Variants in SLC4A4 observed in about 807,000 individuals in gnomAD.
SLC4A4 encodes electrogenic sodium bicarbonate cotransporter 1.
A neutral mutation model predicts 111.5 loss-of-function variants in SLC4A4; 27 were observed. The ratio of observed to expected loss-of-function variants is 0.24; its 90% CI spans 0.18 to 0.33. The LOEUF is 0.33. Ranked by LOEUF, SLC4A4 falls within the 10% of genes least tolerant of loss-of-function variation. The probability of loss-of-function intolerance (pLI) is 1.00; values close to 1 mark genes in which losing one functional copy is unlikely to be tolerated. For synonymous variants in SLC4A4, 443 were observed against 463.4 expected (o/e 0.96, Z 0.57); for missense variants, 909 against 1,315.5 (o/e 0.69, Z 4.78).
At chr4:71,497,856 G>A (rs565859145) in intron 16 of SLC4A4, among the ~76,000 whole-genome samples, 164 bp downstream of exon 16, 13 of 152,114 alleles carry the variant, frequency 8.5e-5, no homozygotes, top group South Asian at 2.1e-4. Context: ...ACTTATTAAC[G>A]TAAGTCTAGT....
intron 3 of SLC4A4, chr4:71,300,634 G>A: frequency 5.6e-6 from 2 of 355,338 alleles, no homozygotes; most frequent in South Asian, 2.9e-5. Flanking sequence ...ATGCAGTGAC[G>A]ACAGGCTTGA....
chr4:71,477,741 A>G (rs1728499690), intron 14 of SLC4A4, among the ~76,000 whole-genome samples: 1 of 151,816 alleles, frequency 6.6e-6, no homozygotes. Context: ...CATCCCCCCA[A>G]CTTTCACTTG....
At chr4:71,105,589 A>G (rs1742891456) in intron 2 of SLC4A4, among the ~76,000 whole-genome samples, 1 of 146,790 alleles carries the variant, frequency 6.8e-6, no homozygotes, top group African/African-American at 2.6e-5. Context: ...GATCAATGGA[A>G]CAGAACAGAG....
intron 1 of SLC4A4, among the ~76,000 whole-genome samples, chr4:71,199,638 G>A (rs1746159867): frequency 6.6e-6 from 1 of 152,044 alleles, no homozygotes; most frequent in Admixed American, 6.6e-5. Context: ...ACAACACAGT[G>A]TCCTTTTTTT....
rs553738171 is a variant in SLC4A4, at chr4:71,338,106, C to T, written c.254-1264C>T. Among the ~76,000 whole-genome samples, 523 of 152,108 alleles carry T rather than the reference C, an allele frequency of 3.4e-3. 3 individuals carry two copies. Among genetic ancestry groups the T allele is most frequent in the African/African-American group, 0.012 (499 of 41,484 alleles). ...CCTCGGCCTCCCAAAGTGTTGGGAT[C>T]GCAGGTGTAAGCCACCGCGCCCTGC... On this transcript the variant is annotated intron_variant, in intron 3 of 25. Transcript: ENST00000264485.
intron 6 of SLC4A4, among the ~76,000 whole-genome samples, chr4:71,378,188 C>G (rs541380853): frequency 6.6e-6 from 1 of 152,264 alleles, no homozygotes; most frequent in Admixed American, 6.5e-5. Flanking sequence ...GTGTCCACAT[C>G]TCACTTTGAA....
chr4:71,437,348 A>G, intron 7 of SLC4A4: 2 of 344,970 alleles, frequency 5.8e-6, no homozygotes, highest in Non-Finnish European at 1.1e-5. Flanking sequence ...CAGAATACAT[A>G]AGTTACAATA....
intron 2 of SLC4A4, among the ~76,000 whole-genome samples, chr4:71,120,679 T>A (rs1743388036): frequency 6.6e-6 from 1 of 152,138 alleles, no homozygotes; most frequent in Admixed American, 6.5e-5. Context: ...ACCAGCCTGG[T>A]CAACATGGTG....
intron 7 of SLC4A4, among the ~76,000 whole-genome samples, chr4:71,425,498 A>G (rs1486047033): frequency 1.3e-5 from 2 of 152,164 alleles, no homozygotes; most frequent in African/African-American, 4.8e-5. Flanking sequence ...ACAAGTCTCA[A>G]TCAATTTATA....
chr4:71,488,581 C>G (rs187428298), intron 15 of SLC4A4, among the ~76,000 whole-genome samples: 1 of 151,774 alleles, frequency 6.6e-6, no homozygotes, highest in Non-Finnish European at 1.5e-5. Context: ...GGGTTAATTA[C>G]TTCTATTTTA....
At chr4:71,357,272 C>A in intron 6 of SLC4A4, 85 bp downstream of exon 6, 1 of 1,372,316 alleles carries the variant, frequency 7.3e-7, no homozygotes, top group Non-Finnish European at 1.0e-6. Context: ...TGTTTTAACC[C>A]TTCTCCATAT....
At chr4:71,291,309 C>T (rs1960103) in intron 3 of SLC4A4, among the ~76,000 whole-genome samples, 4,634 of 152,072 alleles carry the variant, frequency 0.03, 248 homozygotes, top group African/African-American at 0.11. Context: ...TGCACATGTA[C>T]CCTAAAACTT....
intron 3 of SLC4A4, among the ~76,000 whole-genome samples, chr4:71,288,042 T>G (rs1724050576): frequency 6.6e-6 from 1 of 152,204 alleles, no homozygotes; most frequent in African/African-American, 2.4e-5. Flanking sequence ...CTTTCAATCA[T>G]TTTTAAATCT....
At chr4:71,434,381 T>G (rs931164795) in intron 7 of SLC4A4, 2 of 181,650 alleles carry the variant, frequency 1.1e-5, no homozygotes, top group Non-Finnish European at 2.4e-5. Context: ...AAAAAACCCT[T>G]CAGACTGGTA....
At chr4:71,156,392 CAT>C (rs1336627419) in intron 2 of SLC4A4, among the ~76,000 whole-genome samples, 3 of 152,098 alleles carry the variant, frequency 2.0e-5, no homozygotes, top group African/African-American at 4.8e-5. Context: ...CTTAGGTACA[CAT>C]GTCATGCTTT....
chr4:71,552,753 A>G (rs7692859), intron 20 of SLC4A4, among the ~76,000 whole-genome samples: 1 of 151,548 alleles, frequency 6.6e-6, no homozygotes, highest in African/African-American at 2.4e-5. Flanking sequence ...ACATAATTTT[A>G]TCATTTGGCA....
intron 3 of SLC4A4, among the ~76,000 whole-genome samples, chr4:71,328,154 T>C (rs996879686): frequency 1.1e-4 from 17 of 152,098 alleles, no homozygotes; most frequent in Non-Finnish European, 7.4e-5. Flanking sequence ...AATGACTGGA[T>C]CTCATTCTTT....
At chr4:71,143,104 C>T (rs1167660246) in intron 2 of SLC4A4, among the ~76,000 whole-genome samples, 1 of 152,100 alleles carries the variant, frequency 6.6e-6, no homozygotes, top group East Asian at 1.9e-4. Context: ...CCCCATCCCC[C>T]CACCATGCAA....
intron 3 of SLC4A4, among the ~76,000 whole-genome samples, chr4:71,261,852 G>C (rs1721876898): frequency 6.6e-6 from 1 of 152,178 alleles, no homozygotes; most frequent in Non-Finnish European, 1.5e-5. Flanking sequence ...TATTTATAGT[G>C]ACTTATGAGT....
Sources: allele counts gnomAD v4.1 joint callset (sites outside exome capture counted in the v4.1 genomes callset), GRCh38; gene constraint gnomAD v4.1.1; transcripts MANE v1.5; gene names NCBI Gene and HGNC (gene_info 2026-07-23, HGNC 2026-07-21).